The following PSD3 variants were observed in gnomAD, a reference collection of about 807,000 sequenced individuals.
PSD3 encodes the protein PH and SEC7 domain-containing protein 3.
A neutral mutation model predicts 105.5 loss-of-function variants in PSD3; 49 were observed. That is an observed-to-expected ratio of 0.46 (90% confidence interval 0.37 to 0.59). PSD3 has a LOEUF of 0.59. Among genes scored for constraint, PSD3 ranks in the 20% least tolerant of loss-of-function variants. PSD3 has a pLI of 0.00. For missense variants in PSD3, 1,561 were observed against 1,263.8 expected (o/e 1.24, Z -3.57); for synonymous variants, 557 against 457.8 (o/e 1.22, Z -2.77).
intron 1 of PSD3, among the ~76,000 whole-genome samples, chr8:18,977,858 T>C (rs945001588): frequency 3.8e-4 from 58 of 152,190 alleles, no homozygotes; most frequent in African/African-American, 1.4e-3. Context: ...ACTTATGCAA[T>C]AAGATTTTAA....
chr8:19,013,516 G>T lies in PSD3; in HGVS notation c.21+47C>A. The stretch of plus-strand genomic sequence containing the variant: ...CAACACAAACCCCACGTCGAACAGC[G>T]GCGCCGCGTGCGCACCCCGCGCCCG... On this transcript the variant is annotated intron_variant, in intron 1 of 15. Coordinates refer to ENST00000327040, the MANE Select transcript of PSD3 (RefSeq NM_015310.4). The T allele has an allele frequency of 3.2e-6, 5 of 1,578,286 alleles. No homozygotes were observed. The South Asian group carries it at 5.6e-5, about 18-fold the overall frequency.
intron 15 of PSD3, among the ~76,000 whole-genome samples, chr8:18,545,543 T>C (rs1800405454): frequency 6.6e-6 from 1 of 152,150 alleles, no homozygotes. Context: ...CCAAGATAAG[T>C]AATCTGGGCT....
intron 11 of PSD3, among the ~76,000 whole-genome samples, chr8:18,628,446 T>C (rs140287271): frequency 5.0e-4 from 76 of 151,788 alleles, no homozygotes; most frequent in African/African-American, 1.4e-3. Flanking sequence ...TCTTTAAGTA[T>C]TGAAAGGAAA....
intron 2 of PSD3, among the ~76,000 whole-genome samples, chr8:18,901,142 T>C (rs1174958609): frequency 2.0e-5 from 3 of 152,246 alleles, no homozygotes; most frequent in Non-Finnish European, 4.4e-5. Flanking sequence ...ATATATTTTA[T>C]GAATTCATGT....
intron 4 of PSD3, among the ~76,000 whole-genome samples, chr8:18,809,117 T>C (rs780451732): frequency 3.9e-5 from 6 of 152,260 alleles, no homozygotes; most frequent in Non-Finnish European, 8.8e-5. Flanking sequence ...TTTTGTTTTC[T>C]TGAATACACA....
intron 14 of PSD3, among the ~76,000 whole-genome samples, 197 bp downstream of exon 14, chr8:18,572,331 A>T (rs1179052575): frequency 6.6e-6 from 1 of 152,142 alleles, no homozygotes; most frequent in Non-Finnish European, 1.5e-5. Flanking sequence ...ACTAACTGAG[A>T]CTCAATTATG....
rs1434173060 is a variant in PSD3 at position 18,532,054 on chromosome 8, G to A, written c.*3689C>T. ...CAATTAATGAAACCCAAAAGGTTTTGTTAGTAAGACAATGGAGAAACTTCT... is the reference window on the plus strand; with the variant it reads ...CAATTAATGAAACCCAAAAGGTTTTATTAGTAAGACAATGGAGAAACTTCT... On this transcript the variant is annotated 3_prime_UTR_variant, in exon 16 of 16. Coordinates refer to ENST00000327040, the MANE Select transcript of PSD3 (RefSeq NM_015310.4). The A allele has an allele frequency of 6.6e-6, 1 of 152,206 alleles. No homozygotes were observed. Among genetic ancestry groups the A allele is most frequent in the East Asian group, 1.9e-4 (1 of 5,198 alleles). The allele number at this position is 152,206 out of a possible 1,614,324, so 9.4% of individuals were successfully genotyped here.
chr8:19,073,102 T>G (rs1563545391), intron 1 of PSD3, among the ~76,000 whole-genome samples: 1 of 151,694 alleles, frequency 6.6e-6, no homozygotes, highest in Non-Finnish European at 1.5e-5. Context: ...CATGAATAAC[T>G]TATTTTGTTC....
intron 9 of PSD3, among the ~76,000 whole-genome samples, chr8:18,706,781 C>T (rs1297749816): frequency 1.3e-5 from 2 of 152,228 alleles, no homozygotes; most frequent in African/African-American, 2.4e-5. Flanking sequence ...CCACCTCTAG[C>T]TTCCTTTGTC....
At chr8:18,829,292 G>C (rs1022390732) in intron 4 of PSD3, among the ~76,000 whole-genome samples, 2 of 151,988 alleles carry the variant, frequency 1.3e-5, no homozygotes, top group African/African-American at 2.4e-5. Flanking sequence ...AATTTGAAAA[G>C]TATGTTCTCT....
chr8:18,700,013 C>T (rs1448573746), intron 9 of PSD3, among the ~76,000 whole-genome samples: 1 of 152,112 alleles, frequency 6.6e-6, no homozygotes, highest in Non-Finnish European at 1.5e-5. Context: ...AATAAAATTC[C>T]TGGGAAAAAA....
intron 9 of PSD3, among the ~76,000 whole-genome samples, chr8:18,681,446 CAAA>C (rs528679351): frequency 0.18 from 11,477 of 62,128 alleles, 870 homozygotes; most frequent in African/African-American, 0.32. Context: ...GTTTCTGTTT[CAAA>C]AAAAAAAAAA....
rs768132644 is a variant in PSD3, at chr8:18,530,685, C to CTTTTTT, written c.*5052_*5057dup. 2.9e-5 allele frequency: 4 copies of CTTTTTT among 140,312 alleles called. No individual in the cohort carries two copies. Among genetic ancestry groups the CTTTTTT allele is most frequent in the Non-Finnish European group, 3.1e-5 (2 of 64,442 alleles). 8.7% of individuals were successfully genotyped at this position (140,312 alleles called of 1,614,324 possible). A position where few individuals can be genotyped will look rare whatever the true frequency, so the allele number is the denominator to read the frequency against. ...AAGTTACTAAGACTGCACAGGCTGC[C>CTTTTTT]TTTTTTTTTTTTTTTCTTTTCTTTC... On this transcript the variant is annotated 3_prime_UTR_variant, in exon 16 of 16. Coordinates refer to ENST00000327040, the MANE Select transcript of PSD3 (RefSeq NM_015310.4).
At position 18,890,307 on chromosome 8, in the gene PSD3, A is replaced by G. The variant is rs577161376; in HGVS notation, c.131-17574T>C. On this transcript the variant is annotated intron_variant, in intron 2 of 15. Transcript: ENST00000327040. ...TCTTAGATCTTGAAAAAAAAATTCA[A>G]TGCCAATTTAAGGCTTATAAAAATT... is the stretch of plus-strand genomic sequence containing the variant. Among the ~76,000 whole-genome samples the G allele has an allele frequency of 4.6e-5, 7 of 152,336 alleles. No homozygotes were observed. The South Asian group carries it at 1.4e-3, about 32-fold the overall frequency.
intron 4 of PSD3, among the ~76,000 whole-genome samples, chr8:18,809,305 G>A (rs554499463): frequency 1.3e-5 from 2 of 152,066 alleles, no homozygotes; most frequent in Non-Finnish European, 2.9e-5. Context: ...TTCCCAAAAG[G>A]TTCTCCCTGT....
chr8:18,809,898 G>GTT (rs746834288), intron 4 of PSD3, among the ~76,000 whole-genome samples: 1 of 152,058 alleles, frequency 6.6e-6, no homozygotes, highest in Non-Finnish European at 1.5e-5. Context: ...CCTCCTCTGT[G>GTT]TTTTCATCCT....
At chr8:18,972,685 G>A (rs1387046320) in intron 1 of PSD3, among the ~76,000 whole-genome samples, 2 of 152,160 alleles carry the variant, frequency 1.3e-5, no homozygotes, top group Admixed American at 6.5e-5. Context: ...ATAAAAATAG[G>A]CCAGAAAACT....
chr8:18,575,013 T>C, intron 13 of PSD3, 115 bp downstream of exon 13: 1 of 1,082,158 alleles, frequency 9.2e-7, no homozygotes, highest in Non-Finnish European at 1.3e-6. Flanking sequence ...AAGCAGTTGA[T>C]GACTTTGATT....
intron 9 of PSD3, among the ~76,000 whole-genome samples, chr8:18,694,955 T>C (rs907306601): frequency 1.8e-4 from 27 of 152,028 alleles, no homozygotes; most frequent in Non-Finnish European, 5.9e-5. Flanking sequence ...TTTAAAAAAA[T>C]CTAATACATT....
Sources: allele counts gnomAD v4.1 joint callset (sites outside exome capture counted in the v4.1 genomes callset), GRCh38; gene constraint gnomAD v4.1.1; transcripts MANE v1.5; gene names NCBI Gene and HGNC (gene_info 2026-07-23, HGNC 2026-07-21).